ZNF536: variants seen among roughly 807,000 people sequenced by gnomAD.
ZNF536 encodes the protein zinc finger protein 536.
Under a neutral mutation model 84.5 loss-of-function variants are expected in ZNF536, and 13 were observed. The ratio of observed to expected loss-of-function variants is 0.15; its 90% CI spans 0.10 to 0.24. The LOEUF is 0.24. ZNF536 is among the 10% of genes least tolerant of loss of function. The probability of loss-of-function intolerance (pLI) is 1.00; values close to 1 mark genes in which losing one functional copy is unlikely to be tolerated. For missense variants in ZNF536, 1,536 were observed against 1,747.5 expected, an observed-to-expected ratio of 0.88 and a Z score of 2.16; for synonymous variants, 811 against 742.5, an observed-to-expected ratio of 1.09 and a Z score of -1.50.
intron 2 of ZNF536, among the ~76,000 whole-genome samples, chr19:30,351,112 G>A (rs1413983082): frequency 6.6e-6 from 1 of 152,194 alleles, no homozygotes; most frequent in Non-Finnish European, 1.5e-5. Context: ...CTCAGTTTAA[G>A]AGGTATGACA....
intron 1 of ZNF536, among the ~76,000 whole-genome samples, chr19:30,256,193 G>C (rs1476493707): frequency 2.0e-5 from 3 of 152,024 alleles, no homozygotes; most frequent in Non-Finnish European, 4.4e-5. Flanking sequence ...TAGAAAAAAG[G>C]AAAAAAGAGG....
At chr19:30,452,474 G>C (rs2052651265) in intron 2 of ZNF536, among the ~76,000 whole-genome samples, 1 of 152,216 alleles carries the variant, frequency 6.6e-6, no homozygotes. Flanking sequence ...TGTCTCAAAG[G>C]GGTGGGGACA....
chr19:30,383,554 A>G (rs965776612), intron 1 of ZNF536, among the ~76,000 whole-genome samples: 2 of 151,370 alleles, frequency 1.3e-5, no homozygotes, highest in African/African-American at 4.9e-5. Flanking sequence ...AGGGCCTGCT[A>G]CTCACTTACT....
intron 1 of ZNF536, among the ~76,000 whole-genome samples, chr19:30,610,338 A>G (rs2048060889): frequency 6.6e-6 from 1 of 152,170 alleles, no homozygotes; most frequent in African/African-American, 2.4e-5. Flanking sequence ...CAGTTCCAAG[A>G]GGCTGGGAGA....
chr19:30,245,816 G>T (rs2024230702), intron 1 of ZNF536, among the ~76,000 whole-genome samples: 1 of 152,204 alleles, frequency 6.6e-6, no homozygotes, highest in African/African-American at 2.4e-5. Flanking sequence ...TTCTCTGAAG[G>T]TATTTCCCCG....
At chr19:30,330,441 G>T (rs1010573631) in intron 2 of ZNF536, among the ~76,000 whole-genome samples, 2 of 152,136 alleles carry the variant, frequency 1.3e-5, no homozygotes, top group South Asian at 4.1e-4. Flanking sequence ...TTTCTGGGCT[G>T]CAGGGGGCAT....
chr19:30,433,097 C>A (rs1278902243), intron 1 of ZNF536, among the ~76,000 whole-genome samples: 1 of 152,196 alleles, frequency 6.6e-6, no homozygotes, highest in Non-Finnish European at 1.5e-5. Context: ...TCCTCTCTGT[C>A]CCCTGAGCAT....
At chr19:30,334,703 A>G (rs368407188) in intron 2 of ZNF536, among the ~76,000 whole-genome samples, 4 of 152,306 alleles carry the variant, frequency 2.6e-5, no homozygotes, top group African/African-American at 9.6e-5. Flanking sequence ...TGAAAATTCT[A>G]TGGCCTCAGC....
intron 1 of ZNF536, among the ~76,000 whole-genome samples, chr19:30,622,620 C>T (rs749957750): frequency 7.2e-5 from 11 of 152,256 alleles, no homozygotes; most frequent in Non-Finnish European, 1.3e-4. Flanking sequence ...GTGCTTTACA[C>T]CTCTGTATTT....
At chr19:30,666,416 C>T (rs2050321235) in intron 1 of ZNF536, among the ~76,000 whole-genome samples, 1 of 152,162 alleles carries the variant, frequency 6.6e-6, no homozygotes, top group Non-Finnish European at 1.5e-5. Context: ...CTTCCACTCC[C>T]TCCTCTCTTT....
rs183564524 is a variant in ZNF536 at position 30,320,497 on chromosome 19, T to G, written c.-119-31871T>G. On this transcript the variant is annotated intron_variant, in intron 2 of 5. Coordinates refer to the ZNF536 transcript ENST00000585628. ...TCAATTCTTTGTCCTCTTTATCTCCTGGTTTTCAGGGAAAAACACACAGCA... is the reference window on the plus strand; with the variant it reads ...TCAATTCTTTGTCCTCTTTATCTCCGGGTTTTCAGGGAAAAACACACAGCA... Among the ~76,000 whole-genome samples, 287 of 152,258 alleles carry G rather than the reference T, an allele frequency of 1.9e-3. 1 individual carries two copies. Among genetic ancestry groups the G allele is most frequent in the African/African-American group, 6.7e-3 (277 of 41,552 alleles).
At chr19:30,701,766 T>C (rs189842010) in intron 1 of ZNF536, among the ~76,000 whole-genome samples, 1 of 152,358 alleles carries the variant, frequency 6.6e-6, no homozygotes, top group East Asian at 1.9e-4. Flanking sequence ...GTAAGTTCCA[T>C]ACGTGTGACT....
intron 1 of ZNF536, among the ~76,000 whole-genome samples, chr19:30,689,507 A>G (rs1274180523): frequency 1.3e-5 from 2 of 151,734 alleles, no homozygotes; most frequent in East Asian, 1.9e-4. Context: ...AGTTTAGAAA[A>G]CTCGTTTATT....
At chr19:30,629,367 T>C (rs1263216638) in intron 1 of ZNF536, among the ~76,000 whole-genome samples, 1 of 151,996 alleles carries the variant, frequency 6.6e-6, no homozygotes, top group Non-Finnish European at 1.5e-5. Flanking sequence ...GCCTTTCCAA[T>C]TTTGTATTTT....
At position 30,493,089 on chromosome 19, in the gene ZNF536, C is replaced by CTTTTTTTTTT. The variant is rs201787656; in HGVS notation, c.2171-41740_2171-41731dup. ...AATATCTCTCTTGCAATATTACTCA[C>CTTTTTTTTTT]TTTTTTTTTTTTTTTTTTTTTTTTT... On this transcript the variant is annotated intron_variant, in intron 2 of 4. Transcript: ENST00000355537. Among the ~76,000 whole-genome samples, 2 of 71,578 alleles carry CTTTTTTTTTT rather than the reference C, an allele frequency of 2.8e-5. 1 individual carries two copies. Among genetic ancestry groups the CTTTTTTTTTT allele is most frequent in the Non-Finnish European group, 4.9e-5 (2 of 41,026 alleles). 47.0% of individuals were successfully genotyped at this position (71,578 alleles called of 152,430 possible). A position where few individuals can be genotyped will look rare whatever the true frequency, so the allele number is the denominator to read the frequency against.
chr19:30,642,953 G>A (rs1044736022), intron 1 of ZNF536, among the ~76,000 whole-genome samples: 11 of 152,168 alleles, frequency 7.2e-5, no homozygotes, highest in African/African-American at 2.7e-4. Context: ...CTTTCTTTTA[G>A]CCTTTTATGT....
chr19:30,674,887 G>T (rs970822634), intron 1 of ZNF536, among the ~76,000 whole-genome samples: 7 of 152,172 alleles, frequency 4.6e-5, no homozygotes, highest in Admixed American at 4.6e-4. Flanking sequence ...TGGTCAGGGA[G>T]AATGACACCC....
chr19:30,550,659 G>C (rs991140400), intron 4 of ZNF536, among the ~76,000 whole-genome samples: 3 of 152,156 alleles, frequency 2.0e-5, no homozygotes, highest in African/African-American at 7.2e-5. Flanking sequence ...GGAAATAGAA[G>C]AGAGTATTTT....
chr19:30,362,745 C>T (rs113356685), intron 3 of ZNF536, among the ~76,000 whole-genome samples: 3,961 of 152,078 alleles, frequency 0.026, 114 homozygotes, highest in African/African-American at 0.073. Context: ...TTGGGCTTAC[C>T]ATTGGTTCTT....
Sources: gnomAD v4.1 joint callset for allele counts (sites outside exome capture counted in the v4.1 genomes callset) on GRCh38, gnomAD v4.1.1 for gene constraint, MANE v1.5 for transcripts, NCBI Gene and HGNC (gene_info 2026-07-23, HGNC 2026-07-21) for gene names.